The following NTN4 variants were observed in gnomAD, a reference collection of about 807,000 sequenced individuals.
NTN4 encodes netrin-4.
Under a neutral mutation model 73.6 loss-of-function variants are expected in NTN4, and 32 were observed. The ratio of observed to expected loss-of-function variants is 0.44; its 90% CI spans 0.33 to 0.58. The LOEUF is 0.58. Among genes scored for constraint, NTN4 ranks in the 20% least tolerant of loss-of-function variants. NTN4 has a pLI of 0.04. For missense variants in NTN4, 654 were observed against 798.3 expected, an observed-to-expected ratio of 0.82 and a Z score of 2.18; for synonymous variants, 258 against 287.5, an observed-to-expected ratio of 0.90 and a Z score of 1.04.
chr12:95,672,297 C>A (rs2078238598), intron 7 of NTN4: 2 of 770,624 alleles, frequency 2.6e-6, no homozygotes, highest in Non-Finnish European at 4.8e-6. Flanking sequence ...CCTCCCAAGC[C>A]CGCCGCCATG....
intron 2 of NTN4, among the ~76,000 whole-genome samples, chr12:95,753,922 C>T: frequency 6.6e-6 from 1 of 152,238 alleles, no homozygotes; most frequent in African/African-American, 2.4e-5. Flanking sequence ...TAGTCATACT[C>T]CTATTCACCG....
intron 3 of NTN4, among the ~76,000 whole-genome samples, chr12:95,724,397 A>C (rs1285716534): frequency 6.6e-6 from 1 of 152,202 alleles, no homozygotes; most frequent in Non-Finnish European, 1.5e-5. Context: ...TTTAAAAATG[A>C]TTTCTGTCCA....
chr12:95,688,593 A>T (rs957935799), intron 5 of NTN4, among the ~76,000 whole-genome samples: 18 of 152,144 alleles, frequency 1.2e-4, no homozygotes, highest in African/African-American at 4.1e-4. Context: ...GGTCATAAAT[A>T]CAGTTTTGAG....
chr12:95,694,356 CGCCT>C (rs1322826641), intron 5 of NTN4, among the ~76,000 whole-genome samples: 15 of 133,518 alleles, frequency 1.1e-4, no homozygotes, highest in Non-Finnish European at 1.8e-4. Context: ...CCCTCGGCAG[CGCCT>C]CCAGGCTCCC....
chr12:95,748,863 G>T (rs1440597695), intron 2 of NTN4, among the ~76,000 whole-genome samples: 2 of 152,196 alleles, frequency 1.3e-5, no homozygotes, highest in African/African-American at 4.8e-5. Context: ...ACTTGTATTT[G>T]TCAGGCCTCT....
chr12:95,717,486 C>T (rs751061444), intron 3 of NTN4, among the ~76,000 whole-genome samples: 2 of 151,928 alleles, frequency 1.3e-5, no homozygotes, highest in Non-Finnish European at 2.9e-5. Flanking sequence ...TTTCTGCATA[C>T]AGAAAAATTC....
At chr12:95,729,632 A>AGAGAGTGTGT (rs1555218229) in intron 3 of NTN4, among the ~76,000 whole-genome samples, 8 of 124,168 alleles carry the variant, frequency 6.4e-5, no homozygotes, top group African/African-American at 2.3e-4. Context: ...AGAGAGAGAG[A>AGAGAGTGTGT]GTGTGTGTGT....
chr12:95,664,722 C>G (rs1034599688), intron 9 of NTN4, among the ~76,000 whole-genome samples: 1 of 152,024 alleles, frequency 6.6e-6, no homozygotes, highest in African/African-American at 2.4e-5. Flanking sequence ...AAGTGATTCT[C>G]CTGCCTCAGC....
chr12:95,754,335 G>A (rs553058172), intron 2 of NTN4, among the ~76,000 whole-genome samples: 168 of 151,368 alleles, frequency 1.1e-3, no homozygotes, highest in Admixed American at 2.2e-3. Flanking sequence ...CCCTAATCCC[G>A]CTCGAAGCAG....
intron 5 of NTN4, among the ~76,000 whole-genome samples, chr12:95,707,143 A>T (rs2121072937): frequency 6.6e-6 from 1 of 152,306 alleles, no homozygotes; most frequent in East Asian, 1.9e-4. Context: ...AGACCATGCC[A>T]CTTCTCTGCT....
At chr12:95,763,756 A>AT (rs1331249360) in intron 2 of NTN4, among the ~76,000 whole-genome samples, 1 of 152,192 alleles carries the variant, frequency 6.6e-6, no homozygotes, top group Non-Finnish European at 1.5e-5. Context: ...AATTTCAAAG[A>AT]TTTTTCCATA....
At chr12:95,753,539 C>T (rs1565908357) in intron 2 of NTN4, among the ~76,000 whole-genome samples, 1 of 146,664 alleles carries the variant, frequency 6.8e-6, no homozygotes, top group Non-Finnish European at 1.5e-5. Flanking sequence ...TCAGTTTAGC[C>T]TTCCCACCTC....
At chr12:95,725,570 T>G (rs1392490520) in intron 3 of NTN4, among the ~76,000 whole-genome samples, 1 of 152,182 alleles carries the variant, frequency 6.6e-6, no homozygotes, top group Non-Finnish European at 1.5e-5. Flanking sequence ...TTGACAGCAC[T>G]GTCTGATTGT....
intron 5 of NTN4, among the ~76,000 whole-genome samples, chr12:95,699,173 G>A (rs575120952): frequency 1.3e-5 from 2 of 152,224 alleles, no homozygotes; most frequent in South Asian, 4.1e-4. Flanking sequence ...AAACAAGGAT[G>A]TCTATGTTGT....
chr12:95,760,116 C>CATGTTCAA (rs1200701294), intron 2 of NTN4, among the ~76,000 whole-genome samples: 1 of 152,134 alleles, frequency 6.6e-6, no homozygotes, highest in African/African-American at 2.4e-5. Flanking sequence ...TATTTGAGAT[C>CATGTTCAA]ATGTTCAGCT....
chr12:95,754,061 A>G (rs1484975464), intron 2 of NTN4, among the ~76,000 whole-genome samples: 9 of 152,186 alleles, frequency 5.9e-5, no homozygotes, highest in African/African-American at 1.9e-4. Flanking sequence ...AAGTAAACAA[A>G]CAATCTTGGC....
At position 95,673,991 on chromosome 12, in the gene NTN4, T is replaced by A. The variant is rs1432537245; in HGVS notation, c.1511-3845A>T. 3 of 152,100 alleles carry A rather than the reference T, an allele frequency of 2.0e-5. No individual in the cohort carries two copies. In the East Asian group the frequency reaches 5.8e-4, roughly 29 times the overall value. The allele number at this position is 152,100 out of a possible 1,614,324, so 9.4% of individuals were successfully genotyped here. A position where few individuals can be genotyped will look rare whatever the true frequency, so the allele number is the denominator to read the frequency against. On this transcript the variant is annotated intron_variant, in intron 7 of 9. Transcript: ENST00000343702. ...AGTATAATAAAGGAGTTATGTGCAATTAAAAAAATTGGCCTGGTGTGGTAG... is the reference window on the plus strand; with the variant it reads ...AGTATAATAAAGGAGTTATGTGCAAATAAAAAAATTGGCCTGGTGTGGTAG...
chr12:95,730,878 T>C (rs1049367407), intron 3 of NTN4, among the ~76,000 whole-genome samples: 1 of 152,142 alleles, frequency 6.6e-6, no homozygotes, highest in African/African-American at 2.4e-5. Flanking sequence ...TACCTATTCC[T>C]CCAGATCCTA....
intron 2 of NTN4, 28 bp downstream of exon 2, chr12:95,786,911 C>A: frequency 6.3e-7 from 1 of 1,585,986 alleles, no homozygotes; most frequent in Non-Finnish European, 8.6e-7. Context: ...ATCTTACTTA[C>A]AGTGTAGAGT....
Sources: allele counts gnomAD v4.1 joint callset (sites outside exome capture counted in the v4.1 genomes callset), GRCh38; gene constraint gnomAD v4.1.1; transcripts MANE v1.5; gene names NCBI Gene and HGNC (gene_info 2026-07-23, HGNC 2026-07-21).